CHST9: variants seen among roughly 807,000 people sequenced by gnomAD.
CHST9 encodes the protein GalNAc-4-sulfotransferase 2.
CHST9 carries 41 observed loss-of-function variants against 44.4 expected under a neutral mutation model. The observed-to-expected ratio is 0.92, with a 90% confidence interval of 0.72 to 1.20. CHST9 has a LOEUF of 1.20. Ranked by LOEUF, CHST9 falls within the 50% of genes most tolerant of loss-of-function variation. CHST9 has a pLI of 0.00. For synonymous variants in CHST9, 171 were observed against 178.4 expected (o/e 0.96, Z 0.33); for missense variants, 504 against 516.5 (o/e 0.98, Z 0.23).
chr18:27,059,307 C>G (rs2057694035), intron 2 of CHST9, among the ~76,000 whole-genome samples: 1 of 151,974 alleles, frequency 6.6e-6, no homozygotes, highest in African/African-American at 2.4e-5. Context: ...AAAACTTTAC[C>G]ATATATTGTT....
At chr18:26,937,980 T>A (rs2056023748) in intron 5 of CHST9, among the ~76,000 whole-genome samples, 1 of 152,194 alleles carries the variant, frequency 6.6e-6, no homozygotes, top group East Asian at 1.9e-4. Context: ...CACTGAGTGA[T>A]TAGCACAATT....
At chr18:26,985,388 T>C (rs1265068294) in intron 4 of CHST9, among the ~76,000 whole-genome samples, 2 of 152,148 alleles carry the variant, frequency 1.3e-5, no homozygotes, top group Non-Finnish European at 2.9e-5. Context: ...CAAAATAGAA[T>C]TAACTACGGT....
At position 27,050,403 on chromosome 18, in the gene CHST9, CT is replaced by C. The variant is rs1041889314; in HGVS notation, c.122-1901del. ...GTGAAGACCATCCTTCCAGCTGTCA[CT>C]TTTTTTTGTCATCTATCAACATTCC... On this transcript the variant is annotated intron_variant, in intron 2 of 5. Transcript: ENST00000618847. Among the ~76,000 whole-genome samples, 4 of 152,086 alleles carry C rather than the reference CT, an allele frequency of 2.6e-5. No individual in the cohort carries two copies. The East Asian group carries it at 5.8e-4, about 22-fold the overall frequency.
chr18:27,165,486 A>T (rs535545924), intron 1 of CHST9, among the ~76,000 whole-genome samples: 5 of 152,208 alleles, frequency 3.3e-5, no homozygotes, highest in Non-Finnish European at 5.9e-5. Context: ...AAATCCTCTC[A>T]TCCCATGGTG....
intron 2 of CHST9, among the ~76,000 whole-genome samples, chr18:27,077,517 G>A (rs1002138312): frequency 1.3e-5 from 2 of 151,988 alleles, no homozygotes; most frequent in African/African-American, 4.8e-5. Context: ...TTAAATCAGA[G>A]TCTTGAAAAA....
intron 2 of CHST9, among the ~76,000 whole-genome samples, chr18:27,108,055 A>G (rs1191558429): frequency 1.3e-5 from 2 of 152,064 alleles, no homozygotes; most frequent in African/African-American, 2.4e-5. Context: ...GAAACTTCCT[A>G]ATGTCAACAA....
intron 2 of CHST9, among the ~76,000 whole-genome samples, chr18:27,061,277 A>G (rs1197861687): frequency 1.3e-5 from 2 of 152,220 alleles, no homozygotes; most frequent in East Asian, 1.9e-4. Context: ...CTTTTTGGGT[A>G]TAAGTTCAAG....
At chr18:27,132,279 G>A (rs951980117) in intron 2 of CHST9, among the ~76,000 whole-genome samples, 2 of 152,166 alleles carry the variant, frequency 1.3e-5, no homozygotes, top group Non-Finnish European at 2.9e-5. Context: ...TTCACAACAT[G>A]TCAGCTAAAT....
At chr18:26,957,133 A>G (rs779972394) in intron 4 of CHST9, among the ~76,000 whole-genome samples, 21 of 152,198 alleles carry the variant, frequency 1.4e-4, no homozygotes, top group Admixed American at 3.9e-4. Flanking sequence ...TGCTGTATCA[A>G]TCAAACCTGT....
At chr18:27,158,286 G>A (rs1051854311) in intron 1 of CHST9, among the ~76,000 whole-genome samples, 3 of 147,972 alleles carry the variant, frequency 2.0e-5, no homozygotes, top group African/African-American at 7.5e-5. Flanking sequence ...CCCAGTGTGT[G>A]ATGTTCCCCT....
chr18:27,045,336 C>T (rs2057487589), intron 3 of CHST9, among the ~76,000 whole-genome samples: 1 of 151,938 alleles, frequency 6.6e-6, no homozygotes, highest in African/African-American at 2.4e-5. Context: ...ATTTATAATC[C>T]ACTTTTCTTC....
intron 2 of CHST9, among the ~76,000 whole-genome samples, chr18:27,071,058 C>A (rs1418614224): frequency 6.6e-6 from 1 of 152,116 alleles, no homozygotes; most frequent in Non-Finnish European, 1.5e-5. Flanking sequence ...TGCCAACTGG[C>A]GCTAGTTTCT....
intron 4 of CHST9, among the ~76,000 whole-genome samples, chr18:26,989,926 G>A (rs1046331021): frequency 5.9e-5 from 9 of 151,950 alleles, no homozygotes; most frequent in Non-Finnish European, 1.3e-4. Flanking sequence ...CTCTAGCCTG[G>A]GAGACAGAGT....
intron 4 of CHST9, among the ~76,000 whole-genome samples, chr18:26,978,542 C>A (rs527398595): frequency 6.6e-6 from 1 of 152,232 alleles, no homozygotes; most frequent in African/African-American, 2.4e-5. Context: ...CACAAACACT[C>A]GTCTGTTTTT....
chr18:27,135,521 C>T (rs1489338628), intron 2 of CHST9, among the ~76,000 whole-genome samples: 1 of 152,156 alleles, frequency 6.6e-6, no homozygotes, highest in Non-Finnish European at 1.5e-5. Flanking sequence ...TCTTCTAGTG[C>T]ATGCCTTGTA....
At chr18:26,922,882 C>T (rs367587611) in intron 5 of CHST9, among the ~76,000 whole-genome samples, 25 of 152,264 alleles carry the variant, frequency 1.6e-4, no homozygotes, top group Non-Finnish European at 2.6e-4. Flanking sequence ...GTGATCCAGC[C>T]GCCTCGGCCT....
At chr18:26,954,520 C>T (rs1165416868) in intron 4 of CHST9, among the ~76,000 whole-genome samples, 4 of 152,062 alleles carry the variant, frequency 2.6e-5, no homozygotes, top group Non-Finnish European at 5.9e-5. Flanking sequence ...TACAACCTTG[C>T]CTTGCTGTCT....
intron 2 of CHST9, among the ~76,000 whole-genome samples, chr18:27,053,218 G>GGAA (rs1198842599): frequency 0.054 from 1,740 of 32,352 alleles, 173 homozygotes; most frequent in Admixed American, 0.092. Context: ...AGGAGGAAGA[G>GGAA]GAAGAAGAAG....
In CHST9 at chr18:27,146,682, T is replaced by G. The variant is rs114916830; in HGVS notation, c.-96-3777A>C. Among the ~76,000 whole-genome samples the G allele has an allele frequency of 5.7e-3, 874 of 152,324 alleles. 12 individuals carry two copies. Among genetic ancestry groups the G allele is most frequent in the African/African-American group, 0.02 (827 of 41,568 alleles). On this transcript the variant is annotated intron_variant, in intron 1 of 5. Transcript: ENST00000618847. ...GAATATCTTGAGCCTAAAAGGTACT[T>G]AAAAACTTGTTGCATTGAACTGAAT...
Sources: allele counts gnomAD v4.1 joint callset (sites outside exome capture counted in the v4.1 genomes callset), GRCh38; gene constraint gnomAD v4.1.1; transcripts MANE v1.5; gene names NCBI Gene and HGNC (gene_info 2026-07-23, HGNC 2026-07-21).